The following SP6 variants were observed in gnomAD, a reference collection of about 807,000 sequenced individuals.
SP6 encodes the protein Sp6 transcription factor.
In SP6, 10 loss-of-function variants were observed where a neutral mutation model predicts 23.4. The observed-to-expected ratio is 0.43, with a 90% CI of 0.26 to 0.72. The LOEUF is 0.72. Among genes scored for constraint, SP6 ranks in the 30% least tolerant of loss-of-function variants. SP6 has a pLI of 0.23. For synonymous variants in SP6, 238 were observed against 238.7 expected, an observed-to-expected ratio of 1.00 and a Z score of 0.03; for missense variants, 482 against 523.8, an observed-to-expected ratio of 0.92 and a Z score of 0.78.
In SP6 at chr17:47,848,460, G is replaced by A. The variant is rs1355860505; in HGVS notation, c.-31C>T. 9 of 1,472,214 alleles carry A rather than the reference G, an allele frequency of 6.1e-6. No individual in the cohort carries two copies. In the South Asian group the frequency reaches 1.3e-4, roughly 21 times the overall value. The allele number at this position is 1,472,214 out of a possible 1,614,324, so 91.2% of individuals were successfully genotyped here. On this transcript the variant is annotated 5_prime_UTR_variant, in exon 2 of 2. Coordinates refer to ENST00000536300, the MANE Select transcript of SP6 (RefSeq NM_001258248.2). The surrounding 1 kb of genome is among the most constrained non-coding windows in gnomAD (Gnocchi z 5.3). ...GGATCCGGGGTGGGGTGAGGGCAGG[G>A]ACGGTCAGGGGCACCTCAGACGGGA...
chr17:47,873,993 T>C, the SP6 span, among the ~76,000 whole-genome samples: 1 of 150,528 alleles, frequency 6.6e-6, no homozygotes, highest in Admixed American at 6.6e-5. Flanking sequence ...TTCCTCTTCC[T>C]CTTTTTCTTC....
chr17:47,858,106 C>T (rs878909654), upstream of SP6, among the ~76,000 whole-genome samples: 3 of 152,138 alleles, frequency 2.0e-5, no homozygotes, highest in South Asian at 6.2e-4. Flanking sequence ...CCTCCTCCTC[C>T]CGCCCCTAGC....
Position 47,847,949 on chromosome 17 carries a change from G to A in SP6, c.481C>T (p.Leu161Phe). ...GLGGYVGDHQ[L>F]CAPPPHPHAH... ...TGCGGGTGGGGTGGCGGGGCACAAA[G>A]CTGGTGGTCTCCGACGTAGCCCCCC... Residue 161 changes from leucine (L) to phenylalanine (F), a missense_variant, in exon 2 of 2, where the codon CTT (leucine) becomes TTT (phenylalanine). Leu to Phe is a conservative substitution (Grantham distance 22). This residue lies in a region of SP6 where 330 missense variants were observed against 332.3 expected (regional missense o/e 0.99). Coordinates refer to ENST00000536300, the MANE Select transcript of SP6 (RefSeq NM_001258248.2). 2.5e-6 allele frequency: 4 copies of A among 1,571,778 alleles called. No individual in the cohort carries two copies. Among genetic ancestry groups the A allele is most frequent in the South Asian group, 1.2e-5 (1 of 86,584 alleles).
At position 47,847,726 on chromosome 17, in the gene SP6, T is replaced by C; in HGVS notation, c.704A>G (p.Glu235Gly). The change falls in exon 2 of 2, where the codon GAG becomes GGG. Residue 235 changes from glutamate (E) to glycine (G), a missense_variant. By Grantham distance (98) the Glu-to-Gly change is moderately conservative. Around this residue, in one of 3 missense-constraint regions of SP6, gnomAD observed 330 missense variants for 332.3 expected, o/e 0.99. Coordinates refer to ENST00000536300, the MANE Select transcript of SP6 (RefSeq NM_001258248.2). ...QTVCRCPNCL[E>G]AERLGAPCGP... is the part of the protein sequence containing the mutation. ...ACATGGAGCCCCCAGTCGCTCCGCC[T>C]CCAGACAGTTGGGGCAGCGACAGAC... 6.3e-7 allele frequency: 1 copy of C among 1,595,292 alleles called. No homozygotes were observed. Among genetic ancestry groups the C allele is most frequent in the Non-Finnish European group, 8.6e-7 (1 of 1,169,502 alleles).
the SP6 span, among the ~76,000 whole-genome samples, chr17:47,870,415 T>A: frequency 6.6e-6 from 1 of 152,034 alleles, no homozygotes; most frequent in East Asian, 1.9e-4. Context: ...CCCCACCTCA[T>A]CAAATGACAT....
rs2033912876 is a variant in SP6 at position 47,848,049 on chromosome 17, G to A, written c.381C>T (p.Thr127=). 6.2e-7 allele frequency: 1 copy of A among 1,612,784 alleles called. No homozygotes were observed. Residue 127 remains threonine, a synonymous_variant, in exon 2 of 2, where the codon ACC becomes ACT. Transcript: ENST00000536300. This position sits in a 1 kb window ranked among gnomAD's most constrained non-coding sequence, Gnocchi z 5.3. ...DGSWWDLHPG[T]SWMDLPHTQG... is the part of the protein sequence containing the mutation. ...GAGTGTGGGGGAGGTCCATCCAGCT[G>A]GTGCCCGGATGAAGGTCCCACCACG...
At position 47,847,858 on chromosome 17, in the gene SP6, G is replaced by A. The variant is rs918167818; in HGVS notation, c.572C>T (p.Ala191Val). ...HLLGPPDGAK[A>V]LEVAAPESQG... The stretch of plus-strand genomic sequence containing the variant: ...AGACTCCGGGGCGGCTACTTCCAAG[G>A]CCTTAGCCCCGTCGGGCGGCCCTAG... Residue 191 changes from alanine (A) to valine (V), a missense_variant, in exon 2 of 2, where the codon GCC becomes GTC. This residue lies in a region of SP6 where 330 missense variants were observed against 332.3 expected (regional missense o/e 0.99). Coordinates refer to ENST00000536300, the MANE Select transcript of SP6 (RefSeq NM_001258248.2). The A allele has an allele frequency of 2.0e-6, 3 of 1,537,696 alleles. No homozygotes were observed. The African/African-American group carries it at 4.1e-5, about 21-fold the overall frequency.
chr17:47,868,863 C>A, the SP6 span, among the ~76,000 whole-genome samples: 1 of 152,214 alleles, frequency 6.6e-6, no homozygotes, highest in South Asian at 2.1e-4. Flanking sequence ...CTCTTCTCCG[C>A]TCTGCAGGTG....
upstream of SP6, among the ~76,000 whole-genome samples, chr17:47,858,907 C>T (rs8075360): frequency 0.69 from 103,731 of 151,354 alleles, 36,542 homozygotes; most frequent in African/African-American, 0.83. Flanking sequence ...CCCAAGTAAC[C>T]GGGATTACAG....
intron 1 of SP6, among the ~76,000 whole-genome samples, chr17:47,849,746 C>A (rs2143652673): frequency 6.6e-6 from 1 of 152,324 alleles, no homozygotes; most frequent in Admixed American, 6.5e-5. Flanking sequence ...CGCTAAAGAC[C>A]CCCAACGCTT....
chr17:47,854,989 C>T (rs1196311146), upstream of SP6, among the ~76,000 whole-genome samples: 1 of 152,176 alleles, frequency 6.6e-6, no homozygotes, highest in Non-Finnish European at 1.5e-5. Context: ...CTTAGAAAAC[C>T]AGATAGAGCC....
At chr17:47,852,548 C>T (rs2033968761), upstream of SP6, among the ~76,000 whole-genome samples, 1 of 151,792 alleles carries the variant, frequency 6.6e-6, no homozygotes, top group South Asian at 2.1e-4. Flanking sequence ...CGATTTCATA[C>T]TTGAATTTAG....
upstream of SP6, among the ~76,000 whole-genome samples, chr17:47,851,895 C>A (rs2033960891): frequency 6.6e-6 from 1 of 151,832 alleles, no homozygotes; most frequent in African/African-American, 2.4e-5. Context: ...TTCCCCCCTA[C>A]TCTGGTCCCA....
upstream of SP6, among the ~76,000 whole-genome samples, chr17:47,856,036 A>G (rs1258939172): frequency 6.6e-6 from 1 of 151,860 alleles, no homozygotes; most frequent in Non-Finnish European, 1.5e-5. Flanking sequence ...GATAGCTGGA[A>G]CTCTCCAAAT....
chr17:47,863,545 C>CTGG, the SP6 span: 1 of 148,100 alleles, frequency 6.8e-6, no homozygotes, highest in Non-Finnish European at 1.5e-5. Context: ...TTTCAGTCCA[C>CTGG]TGGTCCACTG....
At chr17:47,874,022 TC>T in the SP6 span, among the ~76,000 whole-genome samples, 1 of 149,216 alleles carries the variant, frequency 6.7e-6, no homozygotes, top group African/African-American at 2.5e-5. Context: ...CCCTCCTTCT[TC>T]CCTCCTCCTT....
the SP6 span, among the ~76,000 whole-genome samples, chr17:47,870,264 C>T: frequency 2.0e-5 from 3 of 152,218 alleles, no homozygotes; most frequent in Non-Finnish European, 4.4e-5. Context: ...ACTATCTGCT[C>T]CTGAAATCTG....
At chr17:47,850,186 G>T (rs928979467) in intron 1 of SP6, among the ~76,000 whole-genome samples, 2 of 152,200 alleles carry the variant, frequency 1.3e-5, no homozygotes, top group African/African-American at 4.8e-5. Context: ...GGATGGGAAG[G>T]CTAGGATAAT....
At chr17:47,875,434 G>A in the SP6 span, among the ~76,000 whole-genome samples, 1 of 152,120 alleles carries the variant, frequency 6.6e-6, no homozygotes, top group African/African-American at 2.4e-5. Flanking sequence ...AGCCTGGGGG[G>A]CCCCCTCTAG....
Sources: allele counts gnomAD v4.1 joint callset (sites outside exome capture counted in the v4.1 genomes callset), GRCh38; gene constraint gnomAD v4.1.1; regional missense constraint gnomAD v4.1.1; non-coding constraint Gnocchi (gnomAD v3.1); transcripts MANE v1.5; gene names NCBI Gene and HGNC (gene_info 2026-07-23, HGNC 2026-07-21).